Variants in PTPRT observed in about 807,000 individuals in gnomAD.
The protein encoded by PTPRT is receptor-type tyrosine-protein phosphatase T.
In PTPRT, 56 loss-of-function variants were observed where a neutral mutation model predicts 176.8. The ratio of observed to expected loss-of-function variants is 0.32; its 90% CI spans 0.26 to 0.40. PTPRT has a LOEUF of 0.40. Ranked by LOEUF, PTPRT falls within the 10% of genes least tolerant of loss-of-function variation. The pLI, the probability that PTPRT is intolerant of heterozygous loss-of-function variation, is 1.00. For synonymous variants in PTPRT, 783 were observed against 739.0 expected (o/e 1.06, Z -0.96); for missense variants, 1,540 against 1,908.2 (o/e 0.81, Z 3.60).
At chr20:42,313,125 C>T (rs557014737) in intron 12 of PTPRT, among the ~76,000 whole-genome samples, 6 of 152,190 alleles carry the variant, frequency 3.9e-5, no homozygotes, top group Non-Finnish European at 8.8e-5. Flanking sequence ...TCTGGTAGAC[C>T]TCACTGCTAC....
At chr20:42,914,896 T>C (rs1313107229) in intron 1 of PTPRT, among the ~76,000 whole-genome samples, 1 of 151,552 alleles carries the variant, frequency 6.6e-6, no homozygotes, top group Admixed American at 6.6e-5. Context: ...AAAAAATACA[T>C]ACCAAACATT....
intron 12 of PTPRT, among the ~76,000 whole-genome samples, chr20:42,290,941 T>C (rs1266705575): frequency 2.6e-5 from 4 of 152,172 alleles, no homozygotes; most frequent in African/African-American, 2.4e-5. Context: ...ACCTGGCTAA[T>C]ACATACAATT....
chr20:42,820,406 C>T (rs1243947616), intron 2 of PTPRT, among the ~76,000 whole-genome samples: 1 of 152,050 alleles, frequency 6.6e-6, no homozygotes, highest in Non-Finnish European at 1.5e-5. Flanking sequence ...ATCTCTGGGA[C>T]ACAGCTAAAG....
chr20:42,179,095 TAA>T (rs1236901818), intron 16 of PTPRT, among the ~76,000 whole-genome samples: 5 of 152,332 alleles, frequency 3.3e-5, no homozygotes, highest in African/African-American at 1.2e-4. Flanking sequence ...GGGGCCATCT[TAA>T]AGTTTGCCAA....
chr20:42,239,264 C>A (rs1380783652), intron 14 of PTPRT, among the ~76,000 whole-genome samples: 1 of 152,126 alleles, frequency 6.6e-6, no homozygotes, highest in African/African-American at 2.4e-5. Context: ...CTCATGTATT[C>A]CTCACAGTTG....
At chr20:42,261,737 C>A (rs2056753437) in intron 13 of PTPRT, among the ~76,000 whole-genome samples, 1 of 152,136 alleles carries the variant, frequency 6.6e-6, no homozygotes. Flanking sequence ...GGCCGAGGCT[C>A]CCCTAGGCTC....
At chr20:42,987,364 T>C (rs767513126) in intron 1 of PTPRT, among the ~76,000 whole-genome samples, 1 of 152,188 alleles carries the variant, frequency 6.6e-6, no homozygotes, top group African/African-American at 2.4e-5. Context: ...AAGTGCACAA[T>C]AGCCACCAAT....
the PTPRT span, among the ~76,000 whole-genome samples, chr20:42,056,525 A>G: frequency 1.3e-5 from 2 of 152,230 alleles, no homozygotes; most frequent in African/African-American, 4.8e-5. Flanking sequence ...TGCATATGCC[A>G]GTACCGTGTT....
At position 42,075,229 on chromosome 20, in the gene PTPRT, T is replaced by C. The variant is rs2146054560; in HGVS notation, c.*5650A>G. On this transcript the variant is annotated 3_prime_UTR_variant, in exon 31 of 31. Transcript: ENST00000373187. ...TTTCCTTGTTTTACTTGGCTGTGAT[T>C]TGAAGCTGGTCACAGGCTAAGAAGG... 1 of 240,412 alleles carries C rather than the reference T, an allele frequency of 4.2e-6. No homozygotes were observed. Among genetic ancestry groups the C allele is most frequent in the Admixed American group, 5.6e-5 (1 of 17,984 alleles). The allele number at this position is 240,412 out of a possible 1,614,324, so 14.9% of individuals were successfully genotyped here.
chr20:42,228,382 C>T (rs562530863), intron 15 of PTPRT, among the ~76,000 whole-genome samples: 58 of 152,278 alleles, frequency 3.8e-4, no homozygotes, highest in East Asian at 3.9e-4. Context: ...TGCGTTTAGA[C>T]GCCAGTTCAA....
intron 19 of PTPRT, among the ~76,000 whole-genome samples, chr20:42,128,375 T>C (rs1987961246): frequency 6.6e-6 from 1 of 152,126 alleles, no homozygotes; most frequent in African/African-American, 2.4e-5. Context: ...GTAGAGACCA[T>C]GGTATTATTA....
chr20:42,599,511 G>T (rs1226094207), intron 7 of PTPRT, among the ~76,000 whole-genome samples: 1 of 152,124 alleles, frequency 6.6e-6, no homozygotes, highest in African/African-American at 2.4e-5. Flanking sequence ...CAATGGGAGG[G>T]TTGAGTTACA....
At chr20:42,567,973 C>CTT (rs559196108) in intron 7 of PTPRT, among the ~76,000 whole-genome samples, 3 of 140,496 alleles carry the variant, frequency 2.1e-5, no homozygotes, top group Non-Finnish European at 3.1e-5. Flanking sequence ...CTTTTTTTTG[C>CTT]TTTTTTTTTT....
chr20:43,041,885 G>C (rs1322939029), intron 1 of PTPRT, among the ~76,000 whole-genome samples: 1 of 152,170 alleles, frequency 6.6e-6, no homozygotes, highest in African/African-American at 2.4e-5. Flanking sequence ...GTCCCACAAG[G>C]CCTAAAATAT....
At chr20:42,683,618 A>G (rs1381792441) in intron 6 of PTPRT, among the ~76,000 whole-genome samples, 1 of 152,166 alleles carries the variant, frequency 6.6e-6, no homozygotes, top group African/African-American at 2.4e-5. Context: ...TTTTCTTTTC[A>G]AAACTGCTTC....
At chr20:42,887,217 C>T (rs1392342238) in intron 1 of PTPRT, among the ~76,000 whole-genome samples, 1 of 152,106 alleles carries the variant, frequency 6.6e-6, no homozygotes, top group Non-Finnish European at 1.5e-5. Flanking sequence ...GGACACATGG[C>T]CTTTGGGAGG....
At chr20:42,963,390 G>T (rs1233728239) in intron 1 of PTPRT, among the ~76,000 whole-genome samples, 1 of 148,708 alleles carries the variant, frequency 6.7e-6, no homozygotes, top group Non-Finnish European at 1.5e-5. Context: ...TCTCAAAAAA[G>T]AAATAAATAA....
At chr20:42,885,692 A>G (rs1568660077) in intron 2 of PTPRT, 115 bp downstream of exon 2, 2 of 1,357,386 alleles carry the variant, frequency 1.5e-6, no homozygotes, top group Non-Finnish European at 2.0e-6. Context: ...CACTACCTAC[A>G]GAGCTATCGA....
chr20:42,450,683 C>G (rs535740527), intron 8 of PTPRT, among the ~76,000 whole-genome samples: 15 of 152,170 alleles, frequency 9.9e-5, no homozygotes, highest in African/African-American at 3.6e-4. Flanking sequence ...TTTAATTAGT[C>G]AGGTATCCTA....
Sources: allele counts gnomAD v4.1 joint callset (sites outside exome capture counted in the v4.1 genomes callset), GRCh38; gene constraint gnomAD v4.1.1; transcripts MANE v1.5; gene names NCBI Gene and HGNC (gene_info 2026-07-23, HGNC 2026-07-21).